DPP3: variants seen among roughly 807,000 people sequenced by gnomAD.
The protein encoded by DPP3 is DPP III.
A neutral mutation model predicts 89.8 loss-of-function variants in DPP3; 64 were observed. That is an observed-to-expected ratio of 0.71 (90% confidence interval 0.58 to 0.88). DPP3 has a LOEUF of 0.88. Ranked by LOEUF, DPP3 falls within the 40% of genes least tolerant of loss-of-function variation. The pLI, the probability that DPP3 is intolerant of heterozygous loss-of-function variation, is 0.00. For missense variants in DPP3, 835 were observed against 972.5 expected, an observed-to-expected ratio of 0.86 and a Z score of 1.88; for synonymous variants, 377 against 404.3, an observed-to-expected ratio of 0.93 and a Z score of 0.81.
chr11:66,506,348 G>T lies in DPP3; in HGVS notation c.2041+1574G>T, dbSNP rs560310272. Reference sequence around the variant, plus strand: ...TGGCCCACTGCAATCTCTGCCTCCCGGGTTCAAGCGATTCTCCTGCCTCAG... The same window carrying T: ...TGGCCCACTGCAATCTCTGCCTCCCTGGTTCAAGCGATTCTCCTGCCTCAG... On this transcript the variant is annotated intron_variant, in intron 17 of 17. Transcript: ENST00000531863. Among the ~76,000 whole-genome samples the T allele has an allele frequency of 4.6e-5, 7 of 152,156 alleles. No individual in the cohort carries two copies. In the East Asian group the frequency reaches 1.4e-3, roughly 29 times the overall value.
intron 16 of DPP3, among the ~76,000 whole-genome samples, chr11:66,501,708 C>G (rs922614388): frequency 1.1e-4 from 16 of 151,356 alleles, no homozygotes; most frequent in Non-Finnish European, 2.4e-4. Context: ...GCCTGTAGTC[C>G]CAGCTACAGA....
At chr11:66,487,688 G>C (rs1266868710) in intron 5 of DPP3, among the ~76,000 whole-genome samples, 1 of 152,130 alleles carries the variant, frequency 6.6e-6, no homozygotes, top group Non-Finnish European at 1.5e-5. Context: ...TGGCACAGTG[G>C]TTGCAGTCAG....
At chr11:66,494,217 ACAGT>A (rs1004219632) in intron 12 of DPP3, among the ~76,000 whole-genome samples, 11 of 152,124 alleles carry the variant, frequency 7.2e-5, no homozygotes, top group African/African-American at 1.9e-4. Context: ...GGAAACACAG[ACAGT>A]CATTTATGGG....
chr11:66,504,267 T>TC (rs929557292), intron 16 of DPP3, among the ~76,000 whole-genome samples: 7 of 151,880 alleles, frequency 4.6e-5, no homozygotes, highest in Non-Finnish European at 7.4e-5. Flanking sequence ...CCTTTTTTTT[T>TC]CCATAGAGAT....
chr11:66,482,349 T>G lies in DPP3; in HGVS notation c.149T>G (p.Leu50Arg), dbSNP rs1404689554. 10 of 1,613,464 alleles carry G rather than the reference T, an allele frequency of 6.2e-6. No individual in the cohort carries two copies. In the East Asian group the frequency reaches 2.2e-4, roughly 36 times the overall value. The change falls in exon 2 of 18, where the codon CTT becomes CGT. Residue 50 changes from leucine to arginine, a missense_variant. Coordinates refer to ENST00000531863, the MANE Select transcript of DPP3 (RefSeq NM_130443.4). ...TGGTACGGAGGCCTGGCTGTGCTGC[T>G]TCAGACCTCCCCTGAGGCCCCCTAC... ...AAWYGGLAVL[L>R]QTSPEAPYIY...
At chr11:66,487,791 A>G in intron 5 of DPP3, 123 bp from the exon 6 acceptor site, 2 of 834,120 alleles carry the variant, frequency 2.4e-6, no homozygotes, top group Non-Finnish European at 3.8e-6. Flanking sequence ...CTCCCAGCCA[A>G]CCCAGAAGGC....
At chr11:66,495,943 T>C (rs1364524745) in intron 15 of DPP3, among the ~76,000 whole-genome samples, 193 bp downstream of exon 15, 1 of 152,140 alleles carries the variant, frequency 6.6e-6, no homozygotes, top group Non-Finnish European at 1.5e-5. Flanking sequence ...GGAGTAGGAC[T>C]CTCCCCGGCC....
At chr11:66,498,216 C>G (rs948023910) in intron 16 of DPP3, among the ~76,000 whole-genome samples, 22 of 152,322 alleles carry the variant, frequency 1.4e-4, no homozygotes, top group African/African-American at 5.3e-4. Flanking sequence ...GCCTCTGCCT[C>G]CCGAGTAGCA....
chr11:66,489,848 C>T (rs1198803733), intron 6 of DPP3, among the ~76,000 whole-genome samples: 1 of 152,150 alleles, frequency 6.6e-6, no homozygotes, highest in Non-Finnish European at 1.5e-5. Context: ...TCATGTGGCA[C>T]CCTCCTATTG....
At chr11:66,494,079 T>A (rs1472582214) in intron 12 of DPP3, among the ~76,000 whole-genome samples, 1 of 152,144 alleles carries the variant, frequency 6.6e-6, no homozygotes, top group Non-Finnish European at 1.5e-5. Flanking sequence ...CTGTCTTTGT[T>A]TGCGCTGCTG....
rs764812384 is a variant in DPP3, at chr11:66,491,534, A to G, written c.839A>G (p.Gln280Arg). 2.5e-6 allele frequency: 4 copies of G among 1,612,902 alleles called. No homozygotes were observed. Among genetic ancestry groups the G allele is most frequent in the Non-Finnish European group, 3.4e-6 (4 of 1,179,434 alleles). ...AGCCACCAGGGGCAGATGCTGGCCC[A>G]GTATATAGAGAGCTTCACCCAGGGC... Reference protein sequence around the residue: ...ANSHQGQMLAQYIESFTQGSI... With the variant: ...ANSHQGQMLARYIESFTQGSI... Residue 280 changes from glutamine (Q) to arginine (R), a missense_variant, in exon 8 of 18, where the codon CAG becomes CGG. Transcript: ENST00000531863.
intron 2 of DPP3, among the ~76,000 whole-genome samples, chr11:66,484,203 C>G (rs1855162363): frequency 6.6e-6 from 1 of 152,144 alleles, no homozygotes; most frequent in Non-Finnish European, 1.5e-5. Context: ...GTCTCAATCT[C>G]CTGACCTCGT....
rs180951010 is a variant in DPP3, at chr11:66,509,179, C to G, written c.2142C>G (p.Ile714Met). 5 of 1,614,202 alleles carry G rather than the reference C, an allele frequency of 3.1e-6. No homozygotes were observed. The highest frequency in any genetic ancestry group is 4.5e-5 in the East Asian group (2 of 44,884). ...FPEDGPELEEILTQLATADAR... is the reference protein window; with the variant it reads ...FPEDGPELEEMLTQLATADAR... ...AGGATGGACCCGAGTTGGAGGAGAT[C>G]CTCACACAGCTGGCCACAGCCGATG... The change falls in exon 18 of 18, where the codon ATC (isoleucine) becomes ATG (methionine). Residue 714 changes from isoleucine (I) to methionine (M), a missense_variant. Physicochemically the swap from Ile to Met is conservative, Grantham distance 10 (BLOSUM62 1). Coordinates refer to ENST00000531863, the MANE Select transcript of DPP3 (RefSeq NM_130443.4).
chr11:66,489,849 C>T (rs1444766338), intron 6 of DPP3, among the ~76,000 whole-genome samples: 2 of 152,170 alleles, frequency 1.3e-5, no homozygotes, highest in African/African-American at 4.8e-5. Context: ...CATGTGGCAC[C>T]CTCCTATTGT....
chr11:66,482,292 G>C lies in DPP3; in HGVS notation c.92G>C (p.Arg31Pro). 6.2e-7 allele frequency: 1 copy of C among 1,614,082 alleles called. No individual in the cohort carries two copies. The highest frequency in any genetic ancestry group is 8.5e-7 in the Non-Finnish European group (1 of 1,180,036). ...EAFRLLSPTE[R>P]LYAYHLSRAA... ...TTCCGCCTGCTGTCACCCACAGAGC[G>C]CCTCTATGCCTACCACCTGTCCCGT... The change falls in exon 2 of 18, where the codon CGC (arginine) becomes CCC (proline). Residue 31 changes from arginine to proline, a missense_variant. Arg to Pro is a moderately radical substitution (Grantham distance 103, BLOSUM62 -2). Coordinates refer to ENST00000531863, the MANE Select transcript of DPP3 (RefSeq NM_130443.4).
At chr11:66,502,312 C>CTT (rs1169248661) in intron 16 of DPP3, among the ~76,000 whole-genome samples, 5 of 143,758 alleles carry the variant, frequency 3.5e-5, no homozygotes, top group South Asian at 2.2e-4. Context: ...GAGTGTCCGT[C>CTT]TTTTTTTTTT....
At chr11:66,490,338 C>T (rs1050591382) in intron 6 of DPP3, among the ~76,000 whole-genome samples, 11 of 152,164 alleles carry the variant, frequency 7.2e-5, no homozygotes, top group Non-Finnish European at 1.5e-4. Flanking sequence ...CACAAAACAA[C>T]ACAAACTTAT....
rs375257182 is a variant in DPP3, at chr11:66,487,952, C to T, written c.612C>T (p.Val204=). The part of the protein sequence containing the change: ...SAYNTRLFKE[V]DGEGKPYYEV... ...ACAACACCCGGCTCTTCAAAGAGGTCGATGGAGAAGGGAAGCCCTACTACG... is the reference window on the plus strand; with the variant it reads ...ACAACACCCGGCTCTTCAAAGAGGTTGATGGAGAAGGGAAGCCCTACTACG... Residue 204 remains valine, a synonymous_variant, in exon 6 of 18, where the codon GTC becomes GTT. Coordinates refer to ENST00000531863, the MANE Select transcript of DPP3 (RefSeq NM_130443.4). 12 of 1,613,942 alleles carry T rather than the reference C, an allele frequency of 7.4e-6. No homozygotes were observed. Among genetic ancestry groups the T allele is most frequent in the Non-Finnish European group, 1.0e-5 (12 of 1,179,990 alleles).
chr11:66,487,489 A>G (rs888117247), intron 5 of DPP3, 147 bp downstream of exon 5: 2 of 842,240 alleles, frequency 2.4e-6, no homozygotes, highest in African/African-American at 3.4e-5. Context: ...CCCAGGCTAT[A>G]GAGCCTAATG....
Sources: allele counts gnomAD v4.1 joint callset (sites outside exome capture counted in the v4.1 genomes callset), GRCh38; gene constraint gnomAD v4.1.1; transcripts MANE v1.5; gene names NCBI Gene and HGNC (gene_info 2026-07-23, HGNC 2026-07-21).